Variants in CAMTA1 observed in about 807,000 individuals in gnomAD.
CAMTA1 encodes the protein calmodulin-binding transcription activator 1.
Under a neutral mutation model 170.9 loss-of-function variants are expected in CAMTA1, and 27 were observed. That is an observed-to-expected ratio of 0.16 (90% CI 0.12 to 0.22). The LOEUF (loss-of-function observed/expected upper bound fraction) is 0.22, where lower values mean the gene tolerates loss of function less well. Among genes scored for constraint, CAMTA1 ranks in the 10% least tolerant of loss-of-function variants. The probability of loss-of-function intolerance (pLI) is 1.00; values close to 1 mark genes in which losing one functional copy is unlikely to be tolerated. For missense variants in CAMTA1, 1,619 were observed against 2,217.2 expected, an observed-to-expected ratio of 0.73 and a Z score of 5.42; for synonymous variants, 833 against 891.5, an observed-to-expected ratio of 0.93 and a Z score of 1.17.
intron 5 of CAMTA1, among the ~76,000 whole-genome samples, chr1:7,460,529 G>A (rs968666194): frequency 3.9e-5 from 6 of 152,072 alleles, no homozygotes; most frequent in Non-Finnish European, 7.3e-5. Context: ...GGTCCCACAC[G>A]TTCCTTGGAT....
chr1:6,932,110 C>G (rs1684521682), intron 3 of CAMTA1, among the ~76,000 whole-genome samples: 1 of 152,128 alleles, frequency 6.6e-6, no homozygotes, highest in African/African-American at 2.4e-5. Context: ...ATCACCATCG[C>G]CAAATCAAGA....
chr1:6,939,168 C>T (rs980587822), intron 3 of CAMTA1, among the ~76,000 whole-genome samples: 3 of 152,126 alleles, frequency 2.0e-5, no homozygotes, highest in African/African-American at 7.2e-5. Context: ...GAGGAGCAGG[C>T]GTGGAGCGTC....
At chr1:7,008,966 T>C (rs115471748) in intron 3 of CAMTA1, among the ~76,000 whole-genome samples, 3,690 of 152,258 alleles carry the variant, frequency 0.024, 139 homozygotes, top group African/African-American at 0.085. Context: ...TGGCTTCCAA[T>C]GGGGAAGGAG....
At chr1:7,220,304 C>T (rs980463714) in intron 4 of CAMTA1, among the ~76,000 whole-genome samples, 3 of 152,096 alleles carry the variant, frequency 2.0e-5, no homozygotes, top group Non-Finnish European at 4.4e-5. Context: ...CAGGCCTCCT[C>T]GAAGGACAGG....
intron 3 of CAMTA1, among the ~76,000 whole-genome samples, chr1:6,847,887 A>G (rs921351954): frequency 5.9e-5 from 7 of 119,144 alleles, no homozygotes; most frequent in Admixed American, 5.2e-4. Context: ...TTTTTTTTGT[A>G]TTTTTAGTAG....
At chr1:7,398,600 A>G (rs1383224110) in intron 5 of CAMTA1, among the ~76,000 whole-genome samples, 1 of 152,020 alleles carries the variant, frequency 6.6e-6, no homozygotes, top group Non-Finnish European at 1.5e-5. Flanking sequence ...ATCCATTTAC[A>G]TTGAATTTAT....
chr1:7,194,013 T>C (rs1012765406), intron 4 of CAMTA1, among the ~76,000 whole-genome samples: 13 of 152,324 alleles, frequency 8.5e-5, no homozygotes, highest in African/African-American at 2.9e-4. Context: ...CACTGATACG[T>C]AGATAGACAC....
chr1:7,025,668 A>AATG (rs1247075334), intron 3 of CAMTA1, among the ~76,000 whole-genome samples: 1 of 152,172 alleles, frequency 6.6e-6, no homozygotes, highest in Non-Finnish European at 1.5e-5. Context: ...TGCTGATTTC[A>AATG]ATGAACTAGA....
chr1:6,827,625 T>C (rs1467374056), intron 3 of CAMTA1, among the ~76,000 whole-genome samples: 1 of 152,160 alleles, frequency 6.6e-6, no homozygotes, highest in African/African-American at 2.4e-5. Context: ...TAGCTGGGAA[T>C]TGGCATTTTC....
intron 6 of CAMTA1, among the ~76,000 whole-genome samples, chr1:7,500,144 G>T (rs1339600531): frequency 1.4e-5 from 2 of 147,724 alleles, no homozygotes; most frequent in Non-Finnish European, 3.0e-5. Context: ...GTATATGGGT[G>T]TGTGTGTGCA....
At chr1:7,030,815 G>GTTCAAGTC (rs1702676856) in intron 3 of CAMTA1, among the ~76,000 whole-genome samples, 1 of 151,174 alleles carries the variant, frequency 6.6e-6, no homozygotes, top group Non-Finnish European at 1.5e-5. Context: ...TGATGGTGTT[G>GTTCAAGTC]TTCAAGTCTT....
At chr1:7,396,055 T>C (rs1173542466) in intron 5 of CAMTA1, among the ~76,000 whole-genome samples, 1 of 152,202 alleles carries the variant, frequency 6.6e-6, no homozygotes, top group Non-Finnish European at 1.5e-5. Context: ...AAAGCTCATA[T>C]TGAAATTTGA....
intron 6 of CAMTA1, among the ~76,000 whole-genome samples, chr1:7,500,563 G>A (rs1269407240): frequency 2.6e-5 from 4 of 152,252 alleles, no homozygotes; most frequent in South Asian, 2.1e-4. Context: ...TCTTGAGGAC[G>A]CGGCCCTGCT....
At chr1:7,655,055 T>TATAC (rs2095877534) in intron 7 of CAMTA1, among the ~76,000 whole-genome samples, 1 of 106,582 alleles carries the variant, frequency 9.4e-6, no homozygotes, top group African/African-American at 3.8e-5. Context: ...CACACACCTA[T>TATAC]ACAAACACAC....
intron 4 of CAMTA1, among the ~76,000 whole-genome samples, chr1:7,147,487 C>T (rs1421481791): frequency 6.6e-6 from 1 of 151,516 alleles, no homozygotes; most frequent in East Asian, 1.9e-4. Flanking sequence ...CATGCACACA[C>T]AAACACACTC....
chr1:7,398,744 G>C (rs1255522310), intron 5 of CAMTA1, among the ~76,000 whole-genome samples: 1 of 151,832 alleles, frequency 6.6e-6, no homozygotes, highest in South Asian at 2.1e-4. Flanking sequence ...TTACCTTTGA[G>C]GTTTGGTGAT....
chr1:6,900,903 T>C (rs1294367140), intron 3 of CAMTA1, among the ~76,000 whole-genome samples: 1 of 152,198 alleles, frequency 6.6e-6, no homozygotes, highest in Non-Finnish European at 1.5e-5. Flanking sequence ...ATAAACTAAT[T>C]GCAAGGTTTT....
At position 7,547,442 on chromosome 1, in the gene CAMTA1, C is replaced by A. The variant is rs531606336; in HGVS notation, c.510+79541C>A. Among the ~76,000 whole-genome samples the A allele has an allele frequency of 7.3e-5, 11 of 151,532 alleles. No homozygotes were observed. Among genetic ancestry groups the A allele is most frequent in the African/African-American group, 2.7e-4 (11 of 41,134 alleles). The stretch of plus-strand genomic sequence containing the variant: ...TCGCATCCGTGGATTCAACCAACAA[C>A]GGGCCAAAAATATCCAGGAAAAAAA... On this transcript the variant is annotated intron_variant, in intron 6 of 22. Transcript: ENST00000303635. The surrounding 1 kb of genome is among the most constrained non-coding windows in gnomAD (Gnocchi z 5.7).
chr1:7,658,335 C>G (rs2095923543), intron 7 of CAMTA1, among the ~76,000 whole-genome samples: 1 of 152,290 alleles, frequency 6.6e-6, no homozygotes, highest in East Asian at 1.9e-4. Context: ...CGTGTTCTCC[C>G]ATCCTAACAG....
Sources: allele counts gnomAD v4.1 joint callset (sites outside exome capture counted in the v4.1 genomes callset), GRCh38; gene constraint gnomAD v4.1.1; non-coding constraint Gnocchi (gnomAD v3.1); transcripts MANE v1.5; gene names NCBI Gene and HGNC (gene_info 2026-07-23, HGNC 2026-07-21).